CALU: variants seen among roughly 807,000 people sequenced by gnomAD.
The protein encoded by CALU is calumenin, also known as IEF SSP 9302.
CALU carries 13 observed loss-of-function variants against 37.5 expected under a neutral mutation model. That is an observed-to-expected ratio of 0.35 (90% CI 0.23 to 0.55). The LOEUF (loss-of-function observed/expected upper bound fraction) is 0.55, where lower values mean the gene tolerates loss of function less well. Among genes scored for constraint, CALU ranks in the 20% least tolerant of loss-of-function variants. The probability of loss-of-function intolerance (pLI) is 0.89; values close to 1 mark genes in which losing one functional copy is unlikely to be tolerated. For missense variants in CALU, 282 were observed against 391.7 expected (o/e 0.72, Z 2.36); for synonymous variants, 114 against 133.8 (o/e 0.85, Z 1.02).
At chr7:128,754,982 A>G (rs147635831) in intron 3 of CALU, among the ~76,000 whole-genome samples, 1 of 151,940 alleles carries the variant, frequency 6.6e-6, no homozygotes, top group East Asian at 1.9e-4. Flanking sequence ...GTCATCCCTC[A>G]TAGAGACAAT....
intron 6 of CALU, among the ~76,000 whole-genome samples, chr7:128,768,772 G>A (rs1048250879): frequency 1.3e-5 from 2 of 150,430 alleles, no homozygotes; most frequent in Non-Finnish European, 3.0e-5. Flanking sequence ...ACTTTAACAC[G>A]GGAGGCGGAG....
chr7:128,750,301 G>GTCCA (rs1800623729), intron 2 of CALU, among the ~76,000 whole-genome samples: 1 of 151,336 alleles, frequency 6.6e-6, no homozygotes, highest in African/African-American at 2.4e-5. Context: ...TATTGTGCAC[G>GTCCA]TCCAACCCAC....
intron 2 of CALU, among the ~76,000 whole-genome samples, chr7:128,752,979 C>T (rs886614997): frequency 3.3e-5 from 5 of 152,304 alleles, no homozygotes; most frequent in Middle Eastern, 3.4e-3. Context: ...CGTGAGCCAC[C>T]GTACCAGGCC....
At chr7:128,757,739 C>T (rs933253656) in intron 3 of CALU, among the ~76,000 whole-genome samples, 6 of 151,926 alleles carry the variant, frequency 3.9e-5, no homozygotes, top group Admixed American at 1.3e-4. Context: ...TATACAGGAA[C>T]GCAGATTGAA....
rs1411678271 is a variant in CALU, at chr7:128,773,323, T to C, written c.*4156T>C. Among the ~76,000 whole-genome samples, 1 of 152,248 alleles carries C rather than the reference T, an allele frequency of 6.6e-6. No individual in the cohort carries two copies. Among genetic ancestry groups the C allele is most frequent in the Admixed American group, 6.5e-5 (1 of 15,290 alleles). ...TAAGTTCCAGGATACATGTGCAGGA[T>C]GTGCAGGTTTGTTACATAGGTAAAC... On this transcript the variant is annotated 3_prime_UTR_variant, in exon 7 of 7. Transcript: ENST00000249364.
Position 128,767,609 on chromosome 7 carries a change from C to T in CALU, c.797C>T (p.Ala266Val). 2 of 1,614,134 alleles carry T rather than the reference C, an allele frequency of 1.2e-6. No individual in the cohort carries two copies. The highest frequency in any genetic ancestry group is 1.7e-6 in the Non-Finnish European group (2 of 1,180,004). The change falls in exon 6 of 7, where the codon GCA becomes GTA. Residue 266 changes from alanine (A) to valine (V), a missense_variant. Ala to Val is a moderately conservative substitution (Grantham distance 64). Coordinates refer to ENST00000249364, the MANE Select transcript of CALU (RefSeq NM_001219.5). The stretch of plus-strand genomic sequence containing the variant: ...ATCCTTCCCTCAGACTATGATCATG[C>T]AGAGGCAGAAGCCAGGCACCTGGTC... The part of the protein sequence containing the change: ...DWILPSDYDH[A>V]EAEARHLVYE...
intron 2 of CALU, among the ~76,000 whole-genome samples, chr7:128,749,561 T>C (rs1400910869): frequency 6.6e-6 from 1 of 152,220 alleles, no homozygotes; most frequent in African/African-American, 2.4e-5. Context: ...GCACTGTTGG[T>C]GCAACTTCCT....
At chr7:128,752,050 A>T (rs1030621409) in intron 2 of CALU, among the ~76,000 whole-genome samples, 1 of 152,156 alleles carries the variant, frequency 6.6e-6, no homozygotes, top group Non-Finnish European at 1.5e-5. Context: ...CTAAAATAGG[A>T]TGTGCCCACT....
intron 1 of CALU, among the ~76,000 whole-genome samples, chr7:128,743,298 A>G (rs909110706): frequency 2.6e-5 from 4 of 152,176 alleles, no homozygotes; most frequent in African/African-American, 9.7e-5. Flanking sequence ...TCTAGATCAC[A>G]TGATAAAAGC....
chr7:128,749,002 G>T (rs991189492), intron 2 of CALU, among the ~76,000 whole-genome samples, 198 bp downstream of exon 2: 2 of 152,142 alleles, frequency 1.3e-5, no homozygotes, highest in African/African-American at 4.8e-5. Context: ...ATAACAGTTG[G>T]TGCCTCATTC....
At chr7:128,767,757 T>C in intron 6 of CALU, 102 bp downstream of exon 6, 2 of 934,690 alleles carry the variant, frequency 2.1e-6, no homozygotes, top group Non-Finnish European at 1.7e-6. Context: ...TTTAAGGTCT[T>C]AATTAGTCTA....
chr7:128,742,306 C>T (rs982305241), intron 1 of CALU, among the ~76,000 whole-genome samples: 3 of 152,148 alleles, frequency 2.0e-5, no homozygotes, highest in Admixed American at 6.5e-5. Context: ...TTGAAGTAGA[C>T]AGTTAAACAA....
chr7:128,759,128 T>G (rs1487139987), intron 4 of CALU, 91 bp downstream of exon 4: 4 of 698,026 alleles, frequency 5.7e-6, no homozygotes, highest in Non-Finnish European at 9.1e-6. Context: ...TAGCATATCT[T>G]ATATATATAT....
chr7:128,772,452 A>G lies in CALU; in HGVS notation c.*3285A>G, dbSNP rs556241656. On this transcript the variant is annotated 3_prime_UTR_variant, in exon 7 of 7. Coordinates refer to ENST00000249364, the MANE Select transcript of CALU (RefSeq NM_001219.5). ...CTTTTACCATCTTTTTTGTGTTTTT[A>G]GTAGTTTGGTTTCTGACGGAGACAA... 7 of 1,507,498 alleles carry G rather than the reference A, an allele frequency of 4.6e-6. No homozygotes were observed. In the African/African-American group the frequency reaches 6.9e-5, roughly 15 times the overall value. The allele number at this position is 1,507,498 out of a possible 1,614,324, so 93.4% of individuals were successfully genotyped here.
intron 1 of CALU, among the ~76,000 whole-genome samples, 163 bp downstream of exon 1, chr7:128,739,595 C>T (rs1584994368): frequency 6.6e-6 from 1 of 152,096 alleles, no homozygotes; most frequent in African/African-American, 2.4e-5. Context: ...GATCCCGGGA[C>T]CCTCTGTGTG....
chr7:128,754,577 G>A (rs772306972), intron 3 of CALU, 122 bp downstream of exon 3: 1 of 1,552,428 alleles, frequency 6.4e-7, no homozygotes, highest in Non-Finnish European at 8.7e-7. Context: ...TTGTGACGGA[G>A]GGGGAGCTGA....
chr7:128,739,380 C>T lies in CALU; in HGVS notation c.-64C>T, dbSNP rs1298762488. On this transcript the variant is annotated 5_prime_UTR_variant, in exon 1 of 7. Coordinates refer to ENST00000249364, the MANE Select transcript of CALU (RefSeq NM_001219.5). Reference sequence around the variant, plus strand: ...CGGTGCTTGCGCGCGTGAGCTGAGCCGGTGGGTGAGCGGCGGCCACGGCAT... The same window carrying T: ...CGGTGCTTGCGCGCGTGAGCTGAGCTGGTGGGTGAGCGGCGGCCACGGCAT... 1 of 152,456 alleles carries T rather than the reference C, an allele frequency of 6.6e-6. No individual in the cohort carries two copies. Among genetic ancestry groups the T allele is most frequent in the Non-Finnish European group, 1.5e-5 (1 of 68,300 alleles). 9.4% of individuals were successfully genotyped at this position (152,456 alleles called of 1,614,324 possible).
intron 1 of CALU, among the ~76,000 whole-genome samples, chr7:128,745,040 A>G (rs1800377533): frequency 6.6e-6 from 1 of 152,204 alleles, no homozygotes; most frequent in African/African-American, 2.4e-5. Context: ...TTCCAGGACC[A>G]GATTATGTTA....
chr7:128,755,933 C>T (rs1172517524), intron 3 of CALU, among the ~76,000 whole-genome samples: 4 of 152,208 alleles, frequency 2.6e-5, no homozygotes, highest in Non-Finnish European at 5.9e-5. Flanking sequence ...CACAGATAGC[C>T]AGCTGTCTGC....
Sources: allele counts gnomAD v4.1 joint callset (sites outside exome capture counted in the v4.1 genomes callset), GRCh38; gene constraint gnomAD v4.1.1; transcripts MANE v1.5; gene names NCBI Gene and HGNC (gene_info 2026-07-23, HGNC 2026-07-21).